The following RGPD2 variants were observed in gnomAD, a reference collection of about 807,000 sequenced individuals.
The protein encoded by RGPD2 is RANBP2 like and GRIP domain containing 2, also known as RANBP2-like and GRIP domain-containing protein 2.
A neutral mutation model predicts 36.0 loss-of-function variants in RGPD2; 2 were observed. The observed-to-expected ratio is 0.06, with a 90% CI of 0.02 to 0.17. RGPD2 has a LOEUF of 0.17. RGPD2 is among the 10% of genes least tolerant of loss of function. The probability of loss-of-function intolerance (pLI) is 1.00; values close to 1 mark genes in which losing one functional copy is unlikely to be tolerated. For synonymous variants in RGPD2, 19 were observed against 163.8 expected (o/e 0.12, Z 6.75); for missense variants, 40 against 464.3 (o/e 0.09, Z 8.40).
the RGPD2 span, among the ~76,000 whole-genome samples, chr2:87,958,686 T>G: frequency 1.3e-5 from 2 of 152,272 alleles, no homozygotes; most frequent in Non-Finnish European, 2.9e-5. Context: ...CAGGGATACA[T>G]GTTTAAGTTT....
At chr2:87,864,619 TAGATA>T in the RGPD2 span, among the ~76,000 whole-genome samples, 1 of 19,690 alleles carries the variant, frequency 5.1e-5, no homozygotes, top group African/African-American at 1.4e-4. Flanking sequence ...GATAGATAGA[TAGATA>T]CATAGATGAT....
chr2:87,897,644 GGCCCCC>G, the RGPD2 span, among the ~76,000 whole-genome samples: 1 of 148,514 alleles, frequency 6.7e-6, no homozygotes, highest in African/African-American at 2.5e-5. Flanking sequence ...TCCCCCAACT[GGCCCCC>G]GTGTGTGGTG....
At chr2:87,905,557 CAATCATTTTTAGTA>C in the RGPD2 span, among the ~76,000 whole-genome samples, 3 of 151,026 alleles carry the variant, frequency 2.0e-5, no homozygotes, top group Non-Finnish European at 4.4e-5. Context: ...GTGTACGATT[CAATCATTTTTAGTA>C]AATTTACAGA....
At chr2:87,886,506 T>C in the RGPD2 span, among the ~76,000 whole-genome samples, 13 of 152,072 alleles carry the variant, frequency 8.5e-5, 1 homozygote, top group South Asian at 2.7e-3. Flanking sequence ...GACACTTAAA[T>C]TTCAGTTGAA....
At chr2:87,938,189 G>A in the RGPD2 span, among the ~76,000 whole-genome samples, 3 of 151,692 alleles carry the variant, frequency 2.0e-5, no homozygotes, top group Admixed American at 1.3e-4. Context: ...TCATATGTCA[G>A]TGGGTAGAGA....
chr2:87,894,284 A>G, the RGPD2 span, among the ~76,000 whole-genome samples: 7 of 151,980 alleles, frequency 4.6e-5, no homozygotes, highest in Admixed American at 2.0e-4. Flanking sequence ...TTAAACCTAT[A>G]TTTGATACTG....
chr2:87,913,497 A>G, the RGPD2 span, among the ~76,000 whole-genome samples: 1 of 151,312 alleles, frequency 6.6e-6, no homozygotes, highest in Non-Finnish European at 1.5e-5. Context: ...TACATATGTA[A>G]CAAACCTGCA....
chr2:87,807,656 TG>T (rs1285455362), intron 6 of RGPD2, among the ~76,000 whole-genome samples: 1 of 106,880 alleles, frequency 9.4e-6, no homozygotes, highest in East Asian at 2.9e-4. Flanking sequence ...ACCAATGTGC[TG>T]GGATTACAGG....
the RGPD2 span, among the ~76,000 whole-genome samples, chr2:87,914,118 G>A: frequency 1.3e-5 from 2 of 150,068 alleles, no homozygotes; most frequent in Admixed American, 1.3e-4. Context: ...GGAGTCAGAA[G>A]ATCTGCAGTT....
At chr2:87,809,453 G>C (rs1686077587) in intron 6 of RGPD2, among the ~76,000 whole-genome samples, 1 of 140,850 alleles carries the variant, frequency 7.1e-6, no homozygotes, top group South Asian at 2.6e-4. Context: ...CAGATCACGA[G>C]GTCAGGAGAT....
chr2:87,857,774 T>TAAAACAAAAAAAAAAA, the RGPD2 span, among the ~76,000 whole-genome samples: 1 of 123,490 alleles, frequency 8.1e-6, no homozygotes. Flanking sequence ...CCATCTCTAC[T>TAAAACAAAAAAAAAAA]AAAAAAAAAA....
At chr2:87,930,866 G>T in the RGPD2 span, among the ~76,000 whole-genome samples, 1 of 145,428 alleles carries the variant, frequency 6.9e-6, no homozygotes, top group Non-Finnish European at 1.5e-5. Context: ...AAGTATAGAG[G>T]TGTTCATAAT....
chr2:87,977,515 C>T, the RGPD2 span, among the ~76,000 whole-genome samples: 1 of 151,196 alleles, frequency 6.6e-6, no homozygotes, highest in Non-Finnish European at 1.5e-5. Flanking sequence ...AAAATGGTCA[C>T]TATATAACAT....
At chr2:87,770,243 G>GT (rs1244035531) in intron 22 of RGPD2, among the ~76,000 whole-genome samples, 11 of 27,512 alleles carry the variant, frequency 4.0e-4, no homozygotes, top group African/African-American at 8.4e-4. Context: ...TGGAATTTTA[G>GT]TAAGTATACC....
the RGPD2 span, among the ~76,000 whole-genome samples, chr2:87,915,366 TA>T: frequency 7.6e-6 from 1 of 130,958 alleles, no homozygotes; most frequent in Non-Finnish European, 1.6e-5. Flanking sequence ...ATTATATATA[TA>T]TGTATATTAT....
the RGPD2 span, among the ~76,000 whole-genome samples, chr2:87,938,261 T>A: frequency 1.3e-5 from 2 of 151,842 alleles, no homozygotes; most frequent in South Asian, 2.1e-4. Flanking sequence ...AATGAAATGA[T>A]GTTGTGACAA....
At chr2:87,960,634 ATG>A in the RGPD2 span, among the ~76,000 whole-genome samples, 1 of 3,636 alleles carries the variant, frequency 2.8e-4, no homozygotes, top group South Asian at 5.4e-3. Flanking sequence ...GCAGATTTGT[ATG>A]TGTGTGTGCT....
At chr2:87,837,055 T>C in the RGPD2 span, among the ~76,000 whole-genome samples, 28 of 152,074 alleles carry the variant, frequency 1.8e-4, no homozygotes, top group South Asian at 4.4e-3. Flanking sequence ...ATGGACCCAA[T>C]ACAGGAGCCC....
At chr2:87,825,522 C>A (rs1233424398) in intron 1 of RGPD2, 136 bp downstream of exon 1, 1 of 436,398 alleles carries the variant, frequency 2.3e-6, no homozygotes, top group Admixed American at 1.4e-4. Flanking sequence ...GGCCGCCGCC[C>A]GGCCGAGGCC....
Sources: allele counts gnomAD v4.1 joint callset (sites outside exome capture counted in the v4.1 genomes callset), GRCh38; gene constraint gnomAD v4.1.1; transcripts MANE v1.5; gene names NCBI Gene and HGNC (gene_info 2026-07-23, HGNC 2026-07-21).